ZFPM2: variants seen among roughly 807,000 people sequenced by gnomAD.
The protein encoded by ZFPM2 is zinc finger protein, FOG family member 2.
A neutral mutation model predicts 98.6 loss-of-function variants in ZFPM2; 20 were observed. That is an observed-to-expected ratio of 0.20 (90% CI 0.14 to 0.29). The LOEUF is 0.29. Among genes scored for constraint, ZFPM2 ranks in the 10% least tolerant of loss-of-function variants. The pLI is 1.00. For missense variants in ZFPM2, 1,310 were observed against 1,388.6 expected (o/e 0.94, Z 0.90); for synonymous variants, 518 against 502.7 (o/e 1.03, Z -0.41).
chr8:105,560,774 T>C (rs1815117841), intron 3 of ZFPM2, among the ~76,000 whole-genome samples: 1 of 152,178 alleles, frequency 6.6e-6, no homozygotes, highest in Non-Finnish European at 1.5e-5. Flanking sequence ...AAGCTGGTTA[T>C]TTCTAAAGTA....
intron 1 of ZFPM2, among the ~76,000 whole-genome samples, chr8:105,330,070 G>C (rs1812182867): frequency 6.6e-6 from 1 of 151,570 alleles, no homozygotes; most frequent in Admixed American, 6.6e-5. Flanking sequence ...AAGCAGGCAG[G>C]CTGGCAGGCA....
At chr8:105,368,265 C>T (rs1277184773) in intron 1 of ZFPM2, among the ~76,000 whole-genome samples, 2 of 151,666 alleles carry the variant, frequency 1.3e-5, no homozygotes, top group Admixed American at 1.3e-4. Context: ...AGGATTCCCT[C>T]TTTTTCTATT....
chr8:105,796,046 TTTAGA>T (rs375551846), intron 6 of ZFPM2: 342 of 193,594 alleles, frequency 1.8e-3, no homozygotes, highest in African/African-American at 7.0e-3. Context: ...AATATCATCC[TTTAGA>T]TTAAAGAAAT....
intron 3 of ZFPM2, among the ~76,000 whole-genome samples, chr8:105,517,707 C>CACCCCACACACACACACACA (rs61552974): frequency 8.0e-6 from 1 of 124,890 alleles, no homozygotes; most frequent in Non-Finnish European, 1.6e-5. Context: ...CACACACACA[C>CACCCCACACACACACACACA]CACACACACA....
At chr8:105,794,313 G>T (rs1813722334) in intron 6 of ZFPM2, among the ~76,000 whole-genome samples, 1 of 152,184 alleles carries the variant, frequency 6.6e-6, no homozygotes, top group African/African-American at 2.4e-5. Context: ...ACCCTCAGCT[G>T]CAGGTCTGTT....
chr8:105,746,516 C>G (rs142449194), intron 5 of ZFPM2, among the ~76,000 whole-genome samples: 66 of 152,042 alleles, frequency 4.3e-4, no homozygotes, highest in Non-Finnish European at 7.5e-4. Flanking sequence ...CATGCAGTTA[C>G]TAGTTACAAA....
chr8:105,434,121 C>A (rs1217057753), intron 2 of ZFPM2, among the ~76,000 whole-genome samples: 2 of 152,018 alleles, frequency 1.3e-5, no homozygotes, highest in Non-Finnish European at 2.9e-5. Flanking sequence ...AAAGGGAGAC[C>A]TGAGTTAGAA....
chr8:105,637,592 A>G lies in ZFPM2; in HGVS notation c.532+3235A>G, dbSNP rs764762391. 1.9e-4 allele frequency among the ~76,000 whole-genome samples: 29 copies of G among 152,050 alleles called. 1 individual carries two copies. Among genetic ancestry groups the G allele is most frequent in the Non-Finnish European group, 3.7e-4 (25 of 67,996 alleles). ...GTTCAGAGGCCTGGAACTAATTTCT[A>G]GTATTTAGAGTGCCTTTAGAGGGAG... On this transcript the variant is annotated intron_variant, in intron 5 of 7. Coordinates refer to ENST00000407775, the MANE Select transcript of ZFPM2 (RefSeq NM_012082.4).
chr8:105,330,942 C>T, intron 1 of ZFPM2, among the ~76,000 whole-genome samples: 1 of 150,686 alleles, frequency 6.6e-6, no homozygotes, highest in East Asian at 2.0e-4. Flanking sequence ...TTGTCAAATG[C>T]CAATTGCTTT....
intron 4 of ZFPM2, among the ~76,000 whole-genome samples, chr8:105,606,658 C>T (rs1028383499): frequency 6.6e-5 from 10 of 152,100 alleles, no homozygotes; most frequent in Non-Finnish European, 1.3e-4. Flanking sequence ...TAAACCATTA[C>T]TGCCTGTATT....
intron 3 of ZFPM2, among the ~76,000 whole-genome samples, chr8:105,471,441 C>A (rs1330976064): frequency 6.6e-6 from 1 of 152,076 alleles, no homozygotes; most frequent in African/African-American, 2.4e-5. Context: ...AATCTTTTTT[C>A]ATTCTGAAGT....
intron 4 of ZFPM2, among the ~76,000 whole-genome samples, chr8:105,590,757 C>T (rs766699244): frequency 1.5e-4 from 21 of 143,728 alleles, no homozygotes; most frequent in South Asian, 1.3e-3. Flanking sequence ...TGCATACGTG[C>T]GCACGCACAC....
At chr8:105,723,633 C>G (rs531333134) in intron 5 of ZFPM2, among the ~76,000 whole-genome samples, 1 of 151,862 alleles carries the variant, frequency 6.6e-6, no homozygotes, top group South Asian at 2.1e-4. Flanking sequence ...TTGTCGAGGC[C>G]TTCTTGTTGT....
At chr8:105,397,585 A>T (rs1281327524) in intron 1 of ZFPM2, among the ~76,000 whole-genome samples, 1 of 152,158 alleles carries the variant, frequency 6.6e-6, no homozygotes, top group Non-Finnish European at 1.5e-5. Context: ...GATAGTATTT[A>T]ATAGAGCTAC....
intron 3 of ZFPM2, among the ~76,000 whole-genome samples, chr8:105,479,393 A>G (rs960803499): frequency 1.3e-5 from 2 of 152,224 alleles, no homozygotes; most frequent in South Asian, 2.1e-4. Flanking sequence ...ACTTGAGGGC[A>G]GATAACTTTT....
intron 5 of ZFPM2, among the ~76,000 whole-genome samples, chr8:105,738,887 G>C (rs1812151424): frequency 2.0e-5 from 3 of 151,858 alleles, no homozygotes; most frequent in Admixed American, 2.0e-4. Context: ...TGCTAAAAAA[G>C]GTCATGTATT....
intron 3 of ZFPM2, among the ~76,000 whole-genome samples, chr8:105,532,420 G>A (rs1035257983): frequency 3.9e-5 from 6 of 152,128 alleles, no homozygotes; most frequent in Non-Finnish European, 7.4e-5. Flanking sequence ...TAGTAATATA[G>A]AAGGTCAGAT....
intron 1 of ZFPM2, among the ~76,000 whole-genome samples, chr8:105,333,522 G>C (rs1164123383): frequency 6.6e-6 from 1 of 151,760 alleles, no homozygotes; most frequent in East Asian, 1.9e-4. Flanking sequence ...ATTGCCAATT[G>C]TTGCAACCTC....
intron 5 of ZFPM2, among the ~76,000 whole-genome samples, chr8:105,701,931 T>C (rs1811150217): frequency 1.3e-5 from 2 of 152,222 alleles, no homozygotes; most frequent in Non-Finnish European, 2.9e-5. Context: ...TTTTCTAGAC[T>C]CTAGTTGATT....
Sources: gnomAD v4.1 joint callset for allele counts (sites outside exome capture counted in the v4.1 genomes callset) on GRCh38, gnomAD v4.1.1 for gene constraint, MANE v1.5 for transcripts, NCBI Gene and HGNC (gene_info 2026-07-23, HGNC 2026-07-21) for gene names.